PCDH15: variants seen among roughly 807,000 people sequenced by gnomAD.
The protein encoded by PCDH15 is protocadherin-15.
PCDH15 carries 129 observed loss-of-function variants against 178.5 expected under a neutral mutation model. The observed-to-expected ratio is 0.72, with a 90% CI of 0.63 to 0.84. The LOEUF (loss-of-function observed/expected upper bound fraction) is 0.84. Ranked by LOEUF, PCDH15 falls within the 40% of genes least tolerant of loss-of-function variation. The pLI is 0.00. For synonymous variants in PCDH15, 800 were observed against 732.0 expected, an observed-to-expected ratio of 1.09 and a Z score of -1.50; for missense variants, 2,230 against 2,099.9, an observed-to-expected ratio of 1.06 and a Z score of -1.21.
At chr10:55,250,533 TC>T (rs1201601727) in intron 1 of PCDH15, among the ~76,000 whole-genome samples, 2 of 143,742 alleles carry the variant, frequency 1.4e-5, no homozygotes, top group Non-Finnish European at 3.0e-5. Context: ...TTAAATAAAT[TC>T]TTTTTTTTTT....
At chr10:55,417,726 A>C in intron 2 of PCDH15, among the ~76,000 whole-genome samples, 1 of 151,450 alleles carries the variant, frequency 6.6e-6, no homozygotes, top group East Asian at 1.9e-4. Flanking sequence ...ATCCATTTTT[A>C]AAGTCTTACT....
At chr10:55,527,444 A>T (rs2132059017) in intron 2 of PCDH15, among the ~76,000 whole-genome samples, 1 of 152,136 alleles carries the variant, frequency 6.6e-6, no homozygotes, top group East Asian at 1.9e-4. Context: ...TTTTTAAAAA[A>T]TAAAAACTCC....
At chr10:54,131,159 A>G (rs1258928563) in intron 15 of PCDH15, among the ~76,000 whole-genome samples, 1 of 152,174 alleles carries the variant, frequency 6.6e-6, no homozygotes, top group Non-Finnish European at 1.5e-5. Flanking sequence ...ATTGAACTAT[A>G]ATATGTTTCC....
intron 2 of PCDH15, among the ~76,000 whole-genome samples, chr10:54,551,916 C>T (rs1305780630): frequency 1.3e-5 from 2 of 152,004 alleles, no homozygotes; most frequent in Non-Finnish European, 2.9e-5. Flanking sequence ...ACACATATTA[C>T]ATCTTATACA....
intron 30 of PCDH15, 71 bp downstream of exon 30, chr10:53,831,244 A>G (rs1318664049): frequency 1.4e-6 from 2 of 1,383,028 alleles, no homozygotes; most frequent in Non-Finnish European, 2.1e-6. Flanking sequence ...ACGCAAAGCC[A>G]TGTTACCAGA....
intron 8 of PCDH15, among the ~76,000 whole-genome samples, chr10:54,242,412 C>T (rs889670851): frequency 2.0e-5 from 3 of 151,410 alleles, no homozygotes; most frequent in African/African-American, 7.3e-5. Flanking sequence ...TAACAGAAGT[C>T]ATGATCCATA....
rs186202924 is a variant in PCDH15 at position 54,562,785 on chromosome 10, A to G, written c.92-34908T>C. ...AGCTATATATTATAACTCTTTATAT[A>G]TAGCACGGAATGATTGAAACCAAAT... is the stretch of plus-strand genomic sequence containing the variant. On this transcript the variant is annotated intron_variant, in intron 2 of 37. Transcript: ENST00000644397. Among the ~76,000 whole-genome samples the G allele has an allele frequency of 4.6e-3, 699 of 152,162 alleles. 5 individuals are homozygous for G. The highest frequency in any genetic ancestry group is 4.2e-3 in the Admixed American group (64 of 15,280).
At chr10:53,857,768 T>C (rs2078852115) in intron 27 of PCDH15, among the ~76,000 whole-genome samples, 1 of 152,112 alleles carries the variant, frequency 6.6e-6, no homozygotes, top group South Asian at 2.1e-4. Context: ...GGTAGAGGTA[T>C]ATATTTAGAA....
chr10:55,014,315 CA>C (rs1840118345), intron 2 of PCDH15, among the ~76,000 whole-genome samples: 2 of 151,996 alleles, frequency 1.3e-5, no homozygotes, highest in Non-Finnish European at 2.9e-5. Flanking sequence ...AGATGCAATA[CA>C]CAAACTTATT....
intron 1 of PCDH15, among the ~76,000 whole-genome samples, chr10:55,312,703 C>G (rs1417018666): frequency 5.9e-5 from 9 of 151,960 alleles, no homozygotes; most frequent in Admixed American, 5.9e-4. Context: ...CCGCAACCTC[C>G]GCCTTCTGGG....
intron 30 of PCDH15, among the ~76,000 whole-genome samples, chr10:53,830,280 C>T (rs1298975670): frequency 2.7e-5 from 4 of 146,898 alleles, no homozygotes; most frequent in African/African-American, 5.1e-5. Context: ...CCAGCCTGGG[C>T]GACAGAGCCA....
intron 2 of PCDH15, among the ~76,000 whole-genome samples, chr10:55,101,584 G>A (rs1006373705): frequency 4.0e-5 from 6 of 151,548 alleles, no homozygotes; most frequent in Non-Finnish European, 8.8e-5. Context: ...GGAAATTTTC[G>A]TCACCTAGGT....
intron 18 of PCDH15, among the ~76,000 whole-genome samples, chr10:54,031,742 T>C (rs906054761): frequency 5.9e-5 from 9 of 152,108 alleles, no homozygotes; most frequent in Non-Finnish European, 7.4e-5. Flanking sequence ...TATTCAGTTC[T>C]CATGTTAATG....
At chr10:54,130,022 C>T (rs1439606235) in intron 15 of PCDH15, among the ~76,000 whole-genome samples, 2 of 152,084 alleles carry the variant, frequency 1.3e-5, no homozygotes, top group African/African-American at 2.4e-5. Flanking sequence ...GGAAACAACG[C>T]TTTTGTGAAG....
intron 1 of PCDH15, among the ~76,000 whole-genome samples, chr10:55,287,514 T>C (rs1039493883): frequency 1.3e-5 from 2 of 152,010 alleles, no homozygotes; most frequent in African/African-American, 4.8e-5. Context: ...AAGAAAAGGA[T>C]AATTTCACCA....
At chr10:55,358,516 T>C (rs1845134759) in intron 2 of PCDH15, among the ~76,000 whole-genome samples, 1 of 152,084 alleles carries the variant, frequency 6.6e-6, no homozygotes, top group Admixed American at 6.6e-5. Context: ...TGTCCTACTA[T>C]AGTGAATTTC....
Position 54,319,327 on chromosome 10 carries a change from C to T in PCDH15, c.706-1886G>A, listed in dbSNP as rs547773190. On this transcript the variant is annotated intron_variant, in intron 7 of 37. Transcript: ENST00000644397. ...ATAAACAGATTGTGGTATGTACACACAATAGCATATGATTCAAGCATAAAA... is the reference window on the plus strand; with the variant it reads ...ATAAACAGATTGTGGTATGTACACATAATAGCATATGATTCAAGCATAAAA... 4.6e-5 allele frequency among the ~76,000 whole-genome samples: 7 copies of T among 152,184 alleles called. No individual in the cohort carries two copies. In the East Asian group the frequency reaches 9.7e-4, roughly 21 times the overall value.
chr10:54,206,721 C>T (rs2050835723), intron 10 of PCDH15, among the ~76,000 whole-genome samples: 1 of 151,526 alleles, frequency 6.6e-6, no homozygotes, highest in Non-Finnish European at 1.5e-5. Context: ...TTCTCCTCCA[C>T]CTACTGGACC....
intron 2 of PCDH15, among the ~76,000 whole-genome samples, chr10:55,389,720 G>A (rs906646843): frequency 6.6e-6 from 1 of 152,030 alleles, no homozygotes; most frequent in Non-Finnish European, 1.5e-5. Flanking sequence ...GAACAATGAA[G>A]TCTAATTTTC....
Sources: gnomAD v4.1 joint callset for allele counts (sites outside exome capture counted in the v4.1 genomes callset) on GRCh38, gnomAD v4.1.1 for gene constraint, MANE v1.5 for transcripts, NCBI Gene and HGNC (gene_info 2026-07-23, HGNC 2026-07-21) for gene names.